Variants in ABCC5 observed in about 807,000 individuals in gnomAD.
The protein encoded by ABCC5 is ATP-binding cassette sub-family C member 5.
Under a neutral mutation model 160.9 loss-of-function variants are expected in ABCC5, and 61 were observed. The observed-to-expected ratio is 0.38, with a 90% CI of 0.31 to 0.47. The LOEUF is 0.47. Ranked by LOEUF, ABCC5 falls within the 20% of genes least tolerant of loss-of-function variation. The probability of loss-of-function intolerance (pLI) is 0.99; values close to 1 mark genes in which losing one functional copy is unlikely to be tolerated. For missense variants in ABCC5, 1,308 were observed against 1,813.3 expected (o/e 0.72, Z 5.06); for synonymous variants, 666 against 700.6 (o/e 0.95, Z 0.78).
At chr3:184,010,019 G>T (rs902766493) in intron 2 of ABCC5, 54 of 427,060 alleles carry the variant, frequency 1.3e-4, no homozygotes, top group Middle Eastern at 6.3e-4. Context: ...AAAAATAAAA[G>T]TTCATGGCCA....
At chr3:183,975,677 T>TA (rs1207570042) in intron 10 of ABCC5, among the ~76,000 whole-genome samples, 1 of 151,098 alleles carries the variant, frequency 6.6e-6, no homozygotes, top group African/African-American at 2.4e-5. Context: ...AGCATCTAAT[T>TA]AAAAAAAGAA....
At chr3:183,925,091 G>C (rs1402003) in intron 29 of ABCC5, among the ~76,000 whole-genome samples, 1 of 152,052 alleles carries the variant, frequency 6.6e-6, no homozygotes, top group Admixed American at 6.5e-5. Flanking sequence ...TGGTGCCGCT[G>C]CGTGATTGCA....
intron 2 of ABCC5, among the ~76,000 whole-genome samples, chr3:183,990,690 C>A (rs1196481844): frequency 6.6e-6 from 1 of 152,182 alleles, no homozygotes; most frequent in African/African-American, 2.4e-5. Context: ...CACTTCCCTG[C>A]AGCACGCAGC....
At chr3:183,941,140 G>A (rs1026849675) in intron 25 of ABCC5, among the ~76,000 whole-genome samples, 10 of 152,186 alleles carry the variant, frequency 6.6e-5, no homozygotes, top group Non-Finnish European at 1.3e-4. Flanking sequence ...GATTACAGGC[G>A]TGAGCCACTG....
intron 2 of ABCC5, among the ~76,000 whole-genome samples, chr3:183,990,573 C>T (rs554437680): frequency 6.6e-6 from 1 of 152,264 alleles, no homozygotes; most frequent in Non-Finnish European, 1.5e-5. Flanking sequence ...TTAAACAGCC[C>T]TGCCACACAG....
intron 28 of ABCC5, 53 bp from the exon 29 acceptor site, chr3:183,925,772 G>C: frequency 1.3e-6 from 2 of 1,549,118 alleles, no homozygotes. Flanking sequence ...TTAGCATTCT[G>C]GTTAATCTAG....
rs1490918912 is a variant in ABCC5, at chr3:183,949,195, TCC to T, written c.3227+556_3227+557del. Among the ~76,000 whole-genome samples the T allele has an allele frequency of 3.0e-4, 45 of 152,194 alleles. No homozygotes were observed. Among genetic ancestry groups the T allele is most frequent in the African/African-American group, 1.1e-3 (44 of 41,452 alleles). The stretch of plus-strand genomic sequence containing the variant: ...GATATACCATAGCTTATTCAACCTG[TCC>T]TATATTGAAGAACATTTTAGTTCCA... On this transcript the variant is annotated intron_variant, in intron 22 of 29. Transcript: ENST00000334444. This position sits in a 1 kb window ranked among gnomAD's most constrained non-coding sequence, Gnocchi z 4.2.
At position 184,002,046 on chromosome 3, in the gene ABCC5, C is replaced by A. The variant is rs982234867; in HGVS notation, c.129+12218G>T. 2.6e-5 allele frequency among the ~76,000 whole-genome samples: 4 copies of A among 152,056 alleles called. No homozygotes were observed. In the South Asian group the frequency reaches 6.2e-4, roughly 24 times the overall value. On this transcript the variant is annotated intron_variant, in intron 2 of 29. Transcript: ENST00000334444. ...ACTAGGATACTCAGCATTTTTCCTA[C>A]CAAGGTAATGGCAATGGGGCAGGAG...
At chr3:183,938,763 C>G (rs1386493600) in intron 25 of ABCC5, among the ~76,000 whole-genome samples, 3 of 152,160 alleles carry the variant, frequency 2.0e-5, no homozygotes, top group Non-Finnish European at 1.5e-5. Flanking sequence ...CTCCCTACCC[C>G]CTTATTAGGG....
rs776252513 is a variant in ABCC5, at chr3:183,942,881, G to T, written c.3540C>A (p.Asn1180Lys). The T allele has an allele frequency of 6.2e-7, 1 of 1,613,942 alleles. No homozygotes were observed. The highest frequency in any genetic ancestry group is 2.2e-5 in the East Asian group (1 of 44,878). The change falls in exon 25 of 30, where the codon AAC (asparagine) becomes AAA (lysine). Residue 1180 changes from asparagine to lysine, a missense_variant. Physicochemically the swap from Asn to Lys is moderately conservative, Grantham distance 94. This residue lies in a region of ABCC5 where 1,142 missense variants were observed against 1,527.1 expected (regional missense o/e 0.75). Transcript: ENST00000334444. Reference sequence around the variant, plus strand: ...GGGGCCAGTCAGGGGAGGGAGCCTTGTTCTTAATTCTGGCAGGTGCTTCCA... The same window carrying T: ...GGGGCCAGTCAGGGGAGGGAGCCTTTTTCTTAATTCTGGCAGGTGCTTCCA... Reference protein sequence around the residue: ...LSLEAPARIKNKAPSPDWPQE... With the variant: ...LSLEAPARIKKKAPSPDWPQE...
intron 14 of ABCC5, among the ~76,000 whole-genome samples, chr3:183,964,163 TC>T (rs1251604592): frequency 6.6e-6 from 1 of 152,176 alleles, no homozygotes; most frequent in Non-Finnish European, 1.5e-5. Flanking sequence ...CTCTGAAATC[TC>T]CCCCAACCTC....
intron 25 of ABCC5, among the ~76,000 whole-genome samples, chr3:183,938,502 T>C (rs1233006104): frequency 2.0e-5 from 3 of 152,188 alleles, no homozygotes; most frequent in East Asian, 1.9e-4. Flanking sequence ...TTTCACCATA[T>C]TGGCCAGGTT....
chr3:183,931,354 T>C (rs894450016), intron 26 of ABCC5, among the ~76,000 whole-genome samples: 17 of 144,124 alleles, frequency 1.2e-4, no homozygotes, highest in Middle Eastern at 3.6e-3. Flanking sequence ...TGAGACAGAA[T>C]CTTGCTCTGT....
intron 12 of ABCC5, among the ~76,000 whole-genome samples, chr3:183,966,754 T>A (rs532482929): frequency 6.6e-6 from 1 of 152,068 alleles, no homozygotes; most frequent in East Asian, 1.9e-4. Context: ...CCTGCCATGA[T>A]CTGACTCAGA....
At chr3:183,944,237 T>A (rs1714630861) in intron 24 of ABCC5, among the ~76,000 whole-genome samples, 1 of 151,748 alleles carries the variant, frequency 6.6e-6, no homozygotes, top group Non-Finnish European at 1.5e-5. Context: ...CTACAAAAAA[T>A]ACAAAAATGA....
intron 8 of ABCC5, among the ~76,000 whole-genome samples, chr3:183,980,536 T>G (rs746711776): frequency 6.6e-6 from 1 of 152,192 alleles, no homozygotes; most frequent in East Asian, 1.9e-4. Flanking sequence ...ACAAACTCAC[T>G]GCTTAACAAG....
At chr3:183,931,460 G>A (rs564318782) in intron 26 of ABCC5, among the ~76,000 whole-genome samples, 150 of 151,980 alleles carry the variant, frequency 9.9e-4, no homozygotes, top group Non-Finnish European at 1.7e-3. Context: ...AGCCTCCCAA[G>A]TAGCTGGGAC....
At chr3:183,958,746 G>A (rs557741422) in intron 17 of ABCC5, among the ~76,000 whole-genome samples, 21 of 151,854 alleles carry the variant, frequency 1.4e-4, no homozygotes, top group Non-Finnish European at 2.8e-4. Flanking sequence ...CTACAGGTAT[G>A]TGCCACCACG....
At position 183,924,010 on chromosome 3, in the gene ABCC5, C is replaced by CTTTTTTTTT. The variant is rs200040197; in HGVS notation, c.4212+1536_4212+1544dup. Among the ~76,000 whole-genome samples, 49 of 112,794 alleles carry CTTTTTTTTT rather than the reference C, an allele frequency of 4.3e-4. 1 individual carries two copies. Among genetic ancestry groups the CTTTTTTTTT allele is most frequent in the African/African-American group, 8.3e-4 (21 of 25,282 alleles). The allele number at this position is 112,794 out of a possible 152,430, so 74.0% of individuals were successfully genotyped here. The stretch of plus-strand genomic sequence containing the variant: ...AAATCCCACCAATTTTTACTGTTTG[C>CTTTTTTTTT]TTTTTTTTTTTTTTTTTTTTTTTGA... On this transcript the variant is annotated intron_variant, in intron 29 of 29. Coordinates refer to ENST00000334444, the MANE Select transcript of ABCC5 (RefSeq NM_005688.4).
Sources: allele counts gnomAD v4.1 joint callset (sites outside exome capture counted in the v4.1 genomes callset), GRCh38; gene constraint gnomAD v4.1.1; regional missense constraint gnomAD v4.1.1; non-coding constraint Gnocchi (gnomAD v3.1); transcripts MANE v1.5; gene names NCBI Gene and HGNC (gene_info 2026-07-23, HGNC 2026-07-21).